Variants in LHFPL3 observed in about 807,000 individuals in gnomAD.
LHFPL3 encodes the protein LHFPL tetraspan subfamily member 3, also known as LHFPL tetraspan subfamily member 3 protein.
A neutral mutation model predicts 19.3 loss-of-function variants in LHFPL3; 5 were observed. That is an observed-to-expected ratio of 0.26 (90% CI 0.14 to 0.54). LHFPL3 has a LOEUF of 0.54. LHFPL3 is among the 20% of genes least tolerant of loss of function. LHFPL3 has a pLI of 0.94. For synonymous variants in LHFPL3, 133 were observed against 126.2 expected (o/e 1.05, Z -0.36); for missense variants, 249 against 307.4 (o/e 0.81, Z 1.42).
intron 1 of LHFPL3, among the ~76,000 whole-genome samples, chr7:104,431,494 T>G (rs999560153): frequency 6.6e-6 from 1 of 152,202 alleles, no homozygotes; most frequent in African/African-American, 2.4e-5. Flanking sequence ...TAGAGGACAG[T>G]ACACTTTTCT....
chr7:104,618,837 A>G (rs1183218410), intron 1 of LHFPL3, among the ~76,000 whole-genome samples: 2 of 152,228 alleles, frequency 1.3e-5, no homozygotes, highest in Non-Finnish European at 2.9e-5. Context: ...CCTTAATGGT[A>G]GTGCTGGGAC....
At chr7:104,575,998 G>A (rs1790330883) in intron 1 of LHFPL3, among the ~76,000 whole-genome samples, 1 of 151,998 alleles carries the variant, frequency 6.6e-6, no homozygotes, top group South Asian at 2.1e-4. Context: ...CTCTCCTGAG[G>A]GCAAGAACCA....
At chr7:104,340,907 A>G (rs1009597012) in intron 1 of LHFPL3, among the ~76,000 whole-genome samples, 1 of 152,236 alleles carries the variant, frequency 6.6e-6, no homozygotes, top group Non-Finnish European at 1.5e-5. Flanking sequence ...ACTTAAAAAA[A>G]GGAAGCCATG....
At chr7:104,809,428 A>G (rs1790424899) in intron 2 of LHFPL3, among the ~76,000 whole-genome samples, 2 of 152,210 alleles carry the variant, frequency 1.3e-5, no homozygotes, top group African/African-American at 4.8e-5. Flanking sequence ...AGTGCATTCT[A>G]AAGTGACCAT....
chr7:104,596,540 T>C (rs1790864025), intron 1 of LHFPL3, among the ~76,000 whole-genome samples: 1 of 152,262 alleles, frequency 6.6e-6, no homozygotes, highest in Admixed American at 6.5e-5. Flanking sequence ...TTTCTGGATC[T>C]TATCGAATGA....
At chr7:104,778,442 T>G (rs17141520) in intron 2 of LHFPL3, among the ~76,000 whole-genome samples, 49,131 of 152,070 alleles carry the variant, frequency 0.32, 8,357 homozygotes, top group South Asian at 0.39. Context: ...CTCCAGAGAC[T>G]TACCCAAGAG....
chr7:104,597,454 G>T (rs1790885432), intron 1 of LHFPL3, among the ~76,000 whole-genome samples: 1 of 152,132 alleles, frequency 6.6e-6, no homozygotes, highest in East Asian at 1.9e-4. Flanking sequence ...GCAGGCTGCT[G>T]ATAATGCAGT....
At chr7:104,709,859 G>C (rs1240768512) in intron 1 of LHFPL3, among the ~76,000 whole-genome samples, 1 of 150,014 alleles carries the variant, frequency 6.7e-6, no homozygotes, top group African/African-American at 2.4e-5. Flanking sequence ...GGGCAGAGGG[G>C]CTCCTCACAT....
intron 1 of LHFPL3, among the ~76,000 whole-genome samples, chr7:104,515,321 C>A (rs1316991909): frequency 6.6e-6 from 1 of 152,156 alleles, no homozygotes; most frequent in African/African-American, 2.4e-5. Context: ...ATATTCTGCA[C>A]TAAAAATAAA....
intron 1 of LHFPL3, among the ~76,000 whole-genome samples, chr7:104,544,580 T>C (rs1794545666): frequency 6.6e-6 from 1 of 152,202 alleles, no homozygotes; most frequent in South Asian, 2.1e-4. Context: ...GACTTTTCAT[T>C]GAGCAGTGGT....
intron 1 of LHFPL3, among the ~76,000 whole-genome samples, chr7:104,468,169 G>C (rs6977322): frequency 0.79 from 119,826 of 152,128 alleles, 47,508 homozygotes; most frequent in East Asian, 0.86. Context: ...TGCTAGTATC[G>C]TATCCTCCTC....
At chr7:104,862,531 C>G (rs1240603381) in intron 2 of LHFPL3, among the ~76,000 whole-genome samples, 5 of 152,210 alleles carry the variant, frequency 3.3e-5, no homozygotes, top group Non-Finnish European at 5.9e-5. Context: ...TCAGCTTTCT[C>G]TGACCTCAAG....
intron 2 of LHFPL3, among the ~76,000 whole-genome samples, chr7:104,858,210 C>T (rs1791546907): frequency 6.6e-6 from 1 of 152,144 alleles, no homozygotes; most frequent in Non-Finnish European, 1.5e-5. Flanking sequence ...ACTTGCTGGC[C>T]TCCTCACCTT....
intron 2 of LHFPL3, among the ~76,000 whole-genome samples, chr7:104,835,707 C>A (rs960980417): frequency 6.6e-6 from 1 of 151,678 alleles, no homozygotes; most frequent in Admixed American, 6.6e-5. Flanking sequence ...AAATGGCTCA[C>A]TTCACATGAT....
intron 1 of LHFPL3, among the ~76,000 whole-genome samples, chr7:104,547,450 G>A (rs1422122602): frequency 6.6e-6 from 1 of 151,904 alleles, no homozygotes; most frequent in Non-Finnish European, 1.5e-5. Context: ...TCTGGGCTTG[G>A]GACCACGAGA....
At chr7:104,385,454 A>C (rs1267073989) in intron 1 of LHFPL3, among the ~76,000 whole-genome samples, 1 of 152,222 alleles carries the variant, frequency 6.6e-6, no homozygotes, top group African/African-American at 2.4e-5. Context: ...TTATGTGCTG[A>C]CAGACTGGTT....
intron 1 of LHFPL3, chr7:104,667,992 G>T (rs1222116285): frequency 1.2e-6 from 2 of 1,613,514 alleles, no homozygotes; most frequent in Admixed American, 1.7e-5. Context: ...GGCTGCTCGG[G>T]AACCCAATAT....
chr7:104,490,754 A>G (rs1174064809), intron 1 of LHFPL3, among the ~76,000 whole-genome samples: 3 of 152,194 alleles, frequency 2.0e-5, no homozygotes, highest in Admixed American at 2.0e-4. Flanking sequence ...ATATTGCTCA[A>G]ATTCTTTTTT....
intron 1 of LHFPL3, among the ~76,000 whole-genome samples, chr7:104,523,523 C>T (rs1297234578): frequency 6.6e-6 from 1 of 152,184 alleles, no homozygotes; most frequent in African/African-American, 2.4e-5. Context: ...TCAGGAGACA[C>T]TTAGGTGTTG....
Sources: gnomAD v4.1 joint callset for allele counts (sites outside exome capture counted in the v4.1 genomes callset) on GRCh38, gnomAD v4.1.1 for gene constraint, MANE v1.5 for transcripts, NCBI Gene and HGNC (gene_info 2026-07-23, HGNC 2026-07-21) for gene names.